MEI4: variants seen among roughly 807,000 people sequenced by gnomAD.
MEI4 encodes the protein meiosis-specific protein MEI4.
Under a neutral mutation model 31.4 loss-of-function variants are expected in MEI4, and 27 were observed. The observed-to-expected ratio is 0.86, with a 90% confidence interval of 0.63 to 1.19. MEI4 has a LOEUF of 1.19. MEI4 is among the 50% of genes most tolerant of loss of function. MEI4 has a pLI of 0.00. For synonymous variants in MEI4, 122 were observed against 145.4 expected (o/e 0.84, Z 1.16); for missense variants, 329 against 398.9 (o/e 0.82, Z 1.49).
In MEI4 at chr6:77,913,193, A is replaced by T. The variant is rs1010981341; in HGVS notation, c.901-9896A>T. 3.9e-5 allele frequency among the ~76,000 whole-genome samples: 6 copies of T among 152,144 alleles called. No homozygotes were observed. The South Asian group carries it at 1.2e-3, about 32-fold the overall frequency. ...TGCGCTGTGTATTTGGTTTTCTAGC[A>T]TATTGTTGATTATGTTTGCAACTGT... On this transcript the variant is annotated intron_variant, in intron 4 of 4. Coordinates refer to ENST00000684080, the MANE Select transcript of MEI4 (RefSeq NM_001322247.2).
At chr6:77,676,696 G>A (rs1290922666) in intron 1 of MEI4, among the ~76,000 whole-genome samples, 1 of 152,126 alleles carries the variant, frequency 6.6e-6, no homozygotes, top group Non-Finnish European at 1.5e-5. Flanking sequence ...GAACTTTTGG[G>A]TGGGGAAGCC....
intron 2 of MEI4, among the ~76,000 whole-genome samples, chr6:77,700,035 C>T (rs1004214540): frequency 5.3e-5 from 8 of 152,314 alleles, no homozygotes; most frequent in South Asian, 2.1e-4. Context: ...TTAGGCTTCT[C>T]GCGGGTCAGG....
chr6:77,755,527 TC>T (rs1767892617), intron 2 of MEI4, among the ~76,000 whole-genome samples: 1 of 152,036 alleles, frequency 6.6e-6, no homozygotes, highest in African/African-American at 2.4e-5. Context: ...CAATCAGTTC[TC>T]CTGCCTCAGC....
At chr6:77,667,568 A>G (rs1051006575) in intron 1 of MEI4, among the ~76,000 whole-genome samples, 3 of 152,176 alleles carry the variant, frequency 2.0e-5, no homozygotes, top group Non-Finnish European at 4.4e-5. Context: ...AAATAACACA[A>G]AGAAGACATA....
intron 2 of MEI4, among the ~76,000 whole-genome samples, chr6:77,714,422 T>C (rs1278188899): frequency 6.6e-6 from 1 of 152,180 alleles, no homozygotes; most frequent in Non-Finnish European, 1.5e-5. Flanking sequence ...GTAATATCAT[T>C]TACTTCTTTC....
At chr6:77,766,434 G>A (rs944112952) in intron 3 of MEI4, among the ~76,000 whole-genome samples, 2 of 151,694 alleles carry the variant, frequency 1.3e-5, no homozygotes, top group Admixed American at 1.3e-4. Context: ...ATTTTTTTGA[G>A]ACGGAGTCTC....
At position 77,666,263 on chromosome 6, in the gene MEI4, ACATTGATCAGTT is replaced by A. The variant is rs1212786247; in HGVS notation, c.-15+13184_-15+13195del. 5.3e-5 allele frequency among the ~76,000 whole-genome samples: 8 copies of A among 152,278 alleles called. No individual in the cohort carries two copies. In the East Asian group the frequency reaches 1.5e-3, roughly 29 times the overall value. On this transcript the variant is annotated intron_variant, in intron 1 of 4. Coordinates refer to ENST00000684080, the MANE Select transcript of MEI4 (RefSeq NM_001322247.2). Reference sequence around the variant, plus strand: ...TTAAGGGTGGGGGAGATTACAAAGTACATTGATCAGTTCATTGATCAGTTAGGGTGGGGCAGG... The same window carrying A: ...TTAAGGGTGGGGGAGATTACAAAGTACATTGATCAGTTAGGGTGGGGCAGG...
chr6:77,671,236 C>T (rs1444640858), intron 1 of MEI4, among the ~76,000 whole-genome samples: 2 of 151,438 alleles, frequency 1.3e-5, no homozygotes, highest in Non-Finnish European at 2.9e-5. Context: ...TTTGTATTTA[C>T]TTTAGTAGAG....
chr6:77,656,356 C>G (rs377366389), intron 1 of MEI4, among the ~76,000 whole-genome samples: 1 of 152,098 alleles, frequency 6.6e-6, no homozygotes, highest in African/African-American at 2.4e-5. Flanking sequence ...AAAAACAAAA[C>G]AGGGCATATT....
chr6:77,883,973 A>G (rs1018958749), intron 4 of MEI4, among the ~76,000 whole-genome samples: 1 of 151,612 alleles, frequency 6.6e-6, no homozygotes, highest in African/African-American at 2.4e-5. Context: ...GACTATCCAG[A>G]TTTACATTCC....
intron 2 of MEI4, among the ~76,000 whole-genome samples, chr6:77,760,012 C>T (rs553930654): frequency 2.6e-5 from 4 of 152,038 alleles, no homozygotes; most frequent in African/African-American, 9.7e-5. Context: ...ATGCATTTTA[C>T]TGATAATCAT....
At chr6:77,807,117 T>C (rs1769460632) in intron 3 of MEI4, among the ~76,000 whole-genome samples, 1 of 151,210 alleles carries the variant, frequency 6.6e-6, no homozygotes, top group Admixed American at 6.6e-5. Flanking sequence ...TGACATATGC[T>C]ATTTCTTTGG....
chr6:77,731,354 T>C (rs551308525), intron 2 of MEI4, among the ~76,000 whole-genome samples: 5,347 of 150,892 alleles, frequency 0.035, 213 homozygotes, highest in African/African-American at 0.11. Context: ...ATTGTGGTTT[T>C]GATTTGCATT....
At chr6:77,833,481 A>G (rs1227839957) in intron 4 of MEI4, among the ~76,000 whole-genome samples, 1 of 152,180 alleles carries the variant, frequency 6.6e-6, no homozygotes, top group Non-Finnish European at 1.5e-5. Flanking sequence ...TATTACTAGA[A>G]GTCTTTGCTA....
chr6:77,810,863 A>G (rs1769560866), intron 3 of MEI4, among the ~76,000 whole-genome samples: 1 of 152,112 alleles, frequency 6.6e-6, no homozygotes, highest in Non-Finnish European at 1.5e-5. Context: ...TGTGGAATCC[A>G]TGGTCTGTCT....
At chr6:77,745,892 G>A (rs1767586179) in intron 2 of MEI4, among the ~76,000 whole-genome samples, 2 of 152,120 alleles carry the variant, frequency 1.3e-5, no homozygotes, top group South Asian at 2.1e-4. Context: ...ATGAAATGAA[G>A]GGAGAAATAA....
In MEI4 at chr6:77,924,303, G is replaced by C. The variant is rs1766791841; in HGVS notation, c.*957G>C. The C allele has an allele frequency of 6.6e-6, 1 of 151,780 alleles. No homozygotes were observed. The highest frequency in any genetic ancestry group is 2.1e-4 in the South Asian group (1 of 4,828). The allele number at this position is 151,780 out of a possible 1,614,324, so 9.4% of individuals were successfully genotyped here. A position where few individuals can be genotyped will look rare whatever the true frequency, so the allele number is the denominator to read the frequency against. ...TAATTAGCATTCCTAAATGTCGTTG[G>C]CATTAAAAGTAATCTTGATAATTCC... On this transcript the variant is annotated 3_prime_UTR_variant, in exon 5 of 5. Coordinates refer to ENST00000684080, the MANE Select transcript of MEI4 (RefSeq NM_001322247.2).
At chr6:77,861,640 G>A (rs1770869610) in intron 4 of MEI4, among the ~76,000 whole-genome samples, 1 of 152,140 alleles carries the variant, frequency 6.6e-6, no homozygotes, top group Non-Finnish European at 1.5e-5. Context: ...AAGGCCACAT[G>A]TATATTCATA....
rs764708310 is a variant in MEI4 at position 77,755,580 on chromosome 6, G to A, written c.233-5550G>A. 2.6e-4 allele frequency among the ~76,000 whole-genome samples: 40 copies of A among 151,802 alleles called. 1 individual carries two copies. Among genetic ancestry groups the A allele is most frequent in the Non-Finnish European group, 7.4e-5 (5 of 67,962 alleles). ...ATTACAGGCACACACCACCACACCC[G>A]GCTAACTTTTGTATTTTTAGTAGAG... On this transcript the variant is annotated intron_variant, in intron 2 of 4. Coordinates refer to ENST00000684080, the MANE Select transcript of MEI4 (RefSeq NM_001322247.2).
Sources: allele counts gnomAD v4.1 joint callset (sites outside exome capture counted in the v4.1 genomes callset), GRCh38; gene constraint gnomAD v4.1.1; transcripts MANE v1.5; gene names NCBI Gene and HGNC (gene_info 2026-07-23, HGNC 2026-07-21).